WDR70: variants seen among roughly 807,000 people sequenced by gnomAD.
WDR70 encodes the protein WD repeat domain 70.
WDR70 carries 53 observed loss-of-function variants against 88.6 expected under a neutral mutation model. The observed-to-expected ratio is 0.60, with a 90% confidence interval of 0.48 to 0.75. The LOEUF is 0.75. Among genes scored for constraint, WDR70 ranks in the 30% least tolerant of loss-of-function variants. WDR70 has a pLI of 0.00. For synonymous variants in WDR70, 280 were observed against 270.0 expected (o/e 1.04, Z -0.36); for missense variants, 610 against 823.2 (o/e 0.74, Z 3.17).
rs544100904 is a variant in WDR70 at position 37,519,644 on chromosome 5, C to T, written c.917+3054C>T. Among the ~76,000 whole-genome samples the T allele has an allele frequency of 1.3e-4, 17 of 127,350 alleles. No individual in the cohort carries two copies. The South Asian group carries it at 1.9e-3, about 14-fold the overall frequency. 83.5% of individuals were successfully genotyped at this position (127,350 alleles called of 152,430 possible). On this transcript the variant is annotated intron_variant, in intron 9 of 17. Transcript: ENST00000265107. ...GCGGAGGCGCTCCTCACCTCCCAGA[C>T]GGGGCGGCCGGGCGGAGGCGCTCCT...
chr5:37,591,815 A>G (rs1743538447), intron 9 of WDR70, among the ~76,000 whole-genome samples: 1 of 152,224 alleles, frequency 6.6e-6, no homozygotes, highest in Non-Finnish European at 1.5e-5. Flanking sequence ...CAGTTTATTG[A>G]AAGGATAATA....
intron 7 of WDR70, among the ~76,000 whole-genome samples, chr5:37,470,147 G>T (rs571047385): frequency 7.1e-4 from 103 of 144,316 alleles, no homozygotes; most frequent in African/African-American, 2.1e-3. Flanking sequence ...AAAAAAAAAC[G>T]CACAAAAATA....
chr5:37,643,468 G>GT (rs1745157220), intron 10 of WDR70, among the ~76,000 whole-genome samples: 1 of 147,332 alleles, frequency 6.8e-6, no homozygotes, highest in Non-Finnish European at 1.5e-5. Context: ...GCTATTCTGA[G>GT]TTTTTTGTGG....
intron 10 of WDR70, among the ~76,000 whole-genome samples, chr5:37,695,386 C>T (rs536781224): frequency 3.3e-5 from 5 of 152,290 alleles, no homozygotes; most frequent in African/African-American, 1.2e-4. Context: ...CTTATACAGC[C>T]TTGATATCTG....
intron 17 of WDR70, among the ~76,000 whole-genome samples, chr5:37,735,119 C>T (rs954513506): frequency 6.6e-6 from 1 of 152,048 alleles, no homozygotes; most frequent in Admixed American, 6.6e-5. Flanking sequence ...TCTTTTCCAT[C>T]CCCTCCTGGC....
chr5:37,618,987 G>C (rs748186132), intron 10 of WDR70, among the ~76,000 whole-genome samples: 1 of 152,084 alleles, frequency 6.6e-6, no homozygotes, highest in Non-Finnish European at 1.5e-5. Context: ...ATAATGTAAG[G>C]CTTATTTTTT....
At chr5:37,455,872 G>A (rs1738821041) in intron 7 of WDR70, among the ~76,000 whole-genome samples, 1 of 151,992 alleles carries the variant, frequency 6.6e-6, no homozygotes, top group South Asian at 2.1e-4. Context: ...TTTGCAGTCA[G>A]TCCCTCCTTC....
At chr5:37,677,817 A>T (rs1746284158) in intron 10 of WDR70, among the ~76,000 whole-genome samples, 1 of 152,136 alleles carries the variant, frequency 6.6e-6, no homozygotes, top group South Asian at 2.1e-4. Context: ...GATCTGTCTA[A>T]TGTTGACAGT....
At chr5:37,425,610 A>G (rs1750100559) in intron 5 of WDR70, among the ~76,000 whole-genome samples, 1 of 152,216 alleles carries the variant, frequency 6.6e-6, no homozygotes, top group African/African-American at 2.4e-5. Flanking sequence ...ACATCAGAAC[A>G]CTAACAGGAG....
At chr5:37,670,087 A>G (rs1421317169) in intron 10 of WDR70, among the ~76,000 whole-genome samples, 1 of 152,190 alleles carries the variant, frequency 6.6e-6, no homozygotes, top group Non-Finnish European at 1.5e-5. Flanking sequence ...GCGAGGTTCT[A>G]AAATTGATTG....
intron 9 of WDR70, among the ~76,000 whole-genome samples, chr5:37,553,528 T>C (rs1416849622): frequency 2.0e-5 from 3 of 152,210 alleles, no homozygotes; most frequent in Non-Finnish European, 2.9e-5. Flanking sequence ...CAAGCAGTAC[T>C]GTTTCCTGAA....
chr5:37,448,236 G>A (rs112736542), intron 7 of WDR70, among the ~76,000 whole-genome samples: 2,965 of 152,186 alleles, frequency 0.019, 87 homozygotes, highest in African/African-American at 0.067. Context: ...CTTGATTGCT[G>A]TATAATTTTG....
At chr5:37,589,251 C>A (rs1279044246) in intron 9 of WDR70, among the ~76,000 whole-genome samples, 3 of 73,536 alleles carry the variant, frequency 4.1e-5, no homozygotes, top group Non-Finnish European at 7.2e-5. Flanking sequence ...TACACACATA[C>A]ACACACACAC....
chr5:37,708,103 G>GT (rs1373945852), intron 13 of WDR70, among the ~76,000 whole-genome samples: 1 of 148,618 alleles, frequency 6.7e-6, no homozygotes. Flanking sequence ...TCTTTGGGAC[G>GT]TTTTTTAAAT....
At chr5:37,580,470 T>C (rs1743187617) in intron 9 of WDR70, among the ~76,000 whole-genome samples, 1 of 152,232 alleles carries the variant, frequency 6.6e-6, no homozygotes, top group South Asian at 2.1e-4. Flanking sequence ...CAGGAATAGA[T>C]GCAATTAAAC....
At chr5:37,708,103 G>A (rs568269195) in intron 13 of WDR70, among the ~76,000 whole-genome samples, 4 of 148,706 alleles carry the variant, frequency 2.7e-5, no homozygotes, top group African/African-American at 7.4e-5. Context: ...TCTTTGGGAC[G>A]TTTTTTAAAT....
At chr5:37,599,987 C>G (rs944914434) in intron 9 of WDR70, among the ~76,000 whole-genome samples, 2 of 151,482 alleles carry the variant, frequency 1.3e-5, no homozygotes, top group South Asian at 2.1e-4. Context: ...AAAGAAGGTC[C>G]TAAAGAAAAC....
intron 10 of WDR70, among the ~76,000 whole-genome samples, chr5:37,685,230 T>C (rs1490783731): frequency 6.6e-6 from 1 of 151,968 alleles, no homozygotes; most frequent in Non-Finnish European, 1.5e-5. Flanking sequence ...CCAGTAACAG[T>C]GTTAGGACAG....
chr5:37,438,784 A>G (rs570186474), intron 6 of WDR70, among the ~76,000 whole-genome samples: 13 of 152,174 alleles, frequency 8.5e-5, no homozygotes, highest in African/African-American at 1.4e-4. Flanking sequence ...TATGTTAAAT[A>G]TAGTGGGTTT....
Sources: allele counts gnomAD v4.1 joint callset (sites outside exome capture counted in the v4.1 genomes callset), GRCh38; gene constraint gnomAD v4.1.1; transcripts MANE v1.5; gene names NCBI Gene and HGNC (gene_info 2026-07-23, HGNC 2026-07-21).